Variants in STOX2 observed in about 807,000 individuals in gnomAD.
STOX2 encodes storkhead box 2.
In STOX2, 28 loss-of-function variants were observed where a neutral mutation model predicts 60.9. The observed-to-expected ratio is 0.46, with a 90% CI of 0.34 to 0.63. STOX2 has a LOEUF of 0.63. Ranked by LOEUF, STOX2 falls within the 30% of genes least tolerant of loss-of-function variation. The pLI, the probability that STOX2 is intolerant of heterozygous loss-of-function variation, is 0.01. For synonymous variants in STOX2, 472 were observed against 463.9 expected (o/e 1.02, Z -0.22); for missense variants, 1,024 against 1,187.7 (o/e 0.86, Z 2.03).
chr4:183,991,426 G>A (rs1461663181), intron 1 of STOX2, among the ~76,000 whole-genome samples: 2 of 145,368 alleles, frequency 1.4e-5, no homozygotes, highest in Non-Finnish European at 3.0e-5. Context: ...ATGGGCTTGA[G>A]GAAGAATTTT....
intron 1 of STOX2, among the ~76,000 whole-genome samples, chr4:183,826,601 A>G (rs1201345298): frequency 1.3e-5 from 2 of 152,234 alleles, no homozygotes; most frequent in Non-Finnish European, 2.9e-5. Context: ...GGTATCACAC[A>G]GTCCTGGGAC....
intron 2 of STOX2, among the ~76,000 whole-genome samples, chr4:184,005,253 A>G (rs1268621438): frequency 2.0e-5 from 3 of 152,146 alleles, no homozygotes; most frequent in African/African-American, 7.2e-5. Context: ...TGAGGCCAGG[A>G]GTTTGAGACC....
intron 1 of STOX2, among the ~76,000 whole-genome samples, chr4:183,830,926 T>G (rs1579312266): frequency 6.7e-6 from 1 of 148,454 alleles, no homozygotes; most frequent in East Asian, 2.0e-4. Flanking sequence ...TTTGGCTAGC[T>G]GTATATGATT....
At chr4:183,843,508 A>G (rs1026340406) in intron 1 of STOX2, among the ~76,000 whole-genome samples, 1 of 152,208 alleles carries the variant, frequency 6.6e-6, no homozygotes, top group Non-Finnish European at 1.5e-5. Flanking sequence ...ACAGAGGGCT[A>G]GATAGTGTAT....
At chr4:183,842,486 C>T (rs1739885206) in intron 1 of STOX2, among the ~76,000 whole-genome samples, 1 of 152,086 alleles carries the variant, frequency 6.6e-6, no homozygotes, top group African/African-American at 2.4e-5. Flanking sequence ...TTTTTGATTT[C>T]GCTAACCCCA....
intron 1 of STOX2, among the ~76,000 whole-genome samples, chr4:183,808,367 T>C (rs917933101): frequency 1.3e-5 from 2 of 152,200 alleles, no homozygotes; most frequent in African/African-American, 4.8e-5. Flanking sequence ...CGTGATAGGC[T>C]GGGAAAGCCT....
At chr4:183,933,475 A>T (rs1579435332) in intron 1 of STOX2, among the ~76,000 whole-genome samples, 1 of 151,856 alleles carries the variant, frequency 6.6e-6, no homozygotes, top group Admixed American at 6.6e-5. Flanking sequence ...TGCAACCTCC[A>T]CCTCCTGGGT....
chr4:183,955,539 G>C (rs753268435), intron 1 of STOX2, among the ~76,000 whole-genome samples: 2 of 152,090 alleles, frequency 1.3e-5, no homozygotes, highest in African/African-American at 4.8e-5. Flanking sequence ...CTCTGATCGG[G>C]ACTAGTAGCT....
intron 2 of STOX2, among the ~76,000 whole-genome samples, chr4:184,008,884 A>C (rs1417004406): frequency 6.6e-6 from 1 of 152,204 alleles, no homozygotes; most frequent in Non-Finnish European, 1.5e-5. Context: ...AGGAAACAGG[A>C]AACAACAGGT....
At position 184,011,864 on chromosome 4, in the gene STOX2, A is replaced by G. The variant is rs916958891; in HGVS notation, c.2585+441A>G. Among the ~76,000 whole-genome samples, 2 of 152,178 alleles carry G rather than the reference A, an allele frequency of 1.3e-5. No homozygotes were observed. The highest frequency in any genetic ancestry group is 2.9e-5 in the Non-Finnish European group (2 of 68,034). ...TGCTAAGATAGGGGTCCCTGTAGTG[A>G]AAATATAATAGCAGATCTCAAAACC... On this transcript the variant is annotated intron_variant, in intron 3 of 3. Transcript: ENST00000308497. The surrounding 1 kb of genome is among the most constrained non-coding windows in gnomAD (Gnocchi z 4.4).
intron 3 of STOX2, among the ~76,000 whole-genome samples, chr4:184,016,783 A>G (rs1734392582): frequency 6.6e-6 from 1 of 152,200 alleles, no homozygotes; most frequent in Non-Finnish European, 1.5e-5. Context: ...ATAGCTAGCT[A>G]TCACCTCAAA....
intron 1 of STOX2, among the ~76,000 whole-genome samples, chr4:183,857,345 T>A (rs1221877680): frequency 2.1e-5 from 2 of 95,076 alleles, no homozygotes; most frequent in Non-Finnish European, 4.7e-5. Flanking sequence ...TAGGACTGGT[T>A]GCCTCGTAGG....
intron 1 of STOX2, among the ~76,000 whole-genome samples, chr4:183,927,643 A>G (rs1398379815): frequency 6.6e-6 from 1 of 152,066 alleles, no homozygotes; most frequent in Non-Finnish European, 1.5e-5. Flanking sequence ...CAGTGCACAT[A>G]TTACTGAGCT....
intron 1 of STOX2, among the ~76,000 whole-genome samples, chr4:183,849,107 A>C (rs1740050682): frequency 6.6e-6 from 1 of 152,184 alleles, no homozygotes; most frequent in South Asian, 2.1e-4. Flanking sequence ...AGGACAATTT[A>C]GGGCCAAGTG....
At chr4:183,922,531 A>G (rs1463194050) in intron 1 of STOX2, among the ~76,000 whole-genome samples, 2 of 152,014 alleles carry the variant, frequency 1.3e-5, no homozygotes, top group African/African-American at 2.4e-5. Flanking sequence ...TTTTTAGTAG[A>G]GACGGGGTTT....
chr4:183,811,930 T>A (rs1739043304), intron 1 of STOX2, among the ~76,000 whole-genome samples: 1 of 75,464 alleles, frequency 1.3e-5, no homozygotes, highest in Non-Finnish European at 2.5e-5. Flanking sequence ...AAGCCTGGAT[T>A]TTTTTTTTTT....
At chr4:183,895,604 A>G (rs536090507) in intron 1 of STOX2, among the ~76,000 whole-genome samples, 4 of 152,370 alleles carry the variant, frequency 2.6e-5, no homozygotes, top group East Asian at 3.9e-4. Context: ...TGATATGTGT[A>G]CTGTTGTCTC....
chr4:183,854,557 A>G (rs1054546292), intron 1 of STOX2, among the ~76,000 whole-genome samples: 2 of 152,230 alleles, frequency 1.3e-5, no homozygotes, highest in African/African-American at 4.8e-5. Context: ...TTTTTTATAA[A>G]AAGTAAAAGT....
intron 1 of STOX2, among the ~76,000 whole-genome samples, chr4:183,819,808 C>G (rs1006478665): frequency 6.6e-6 from 1 of 152,160 alleles, no homozygotes; most frequent in African/African-American, 2.4e-5. Context: ...GGTTCTTTCT[C>G]CCTTTGCTTT....
Sources: allele counts gnomAD v4.1 joint callset (sites outside exome capture counted in the v4.1 genomes callset), GRCh38; gene constraint gnomAD v4.1.1; non-coding constraint Gnocchi (gnomAD v3.1); transcripts MANE v1.5; gene names NCBI Gene and HGNC (gene_info 2026-07-23, HGNC 2026-07-21).